The following PRTG variants were observed in gnomAD, a reference collection of about 807,000 sequenced individuals.
The protein encoded by PRTG is protogenin, also known as immunoglobulin superfamily, DCC subclass, member 5.
In PRTG, 67 loss-of-function variants were observed where a neutral mutation model predicts 122.5. The ratio of observed to expected loss-of-function variants is 0.55; its 90% CI spans 0.45 to 0.67. The LOEUF (loss-of-function observed/expected upper bound fraction) is 0.67, where lower values mean the gene tolerates loss of function less well. Ranked by LOEUF, PRTG falls within the 30% of genes least tolerant of loss-of-function variation. The probability of loss-of-function intolerance (pLI) is 0.00; values close to 1 mark genes in which losing one functional copy is unlikely to be tolerated. For synonymous variants in PRTG, 554 were observed against 501.1 expected, an observed-to-expected ratio of 1.11 and a Z score of -1.41; for missense variants, 1,435 against 1,415.4, an observed-to-expected ratio of 1.01 and a Z score of -0.22.
chr15:55,663,502 C>T (rs1045925509), intron 11 of PRTG, among the ~76,000 whole-genome samples: 1 of 151,930 alleles, frequency 6.6e-6, no homozygotes, highest in African/African-American at 2.4e-5. Context: ...CATCTCTAGT[C>T]ATGGCAATCA....
rs2059199019 is a variant in PRTG at position 55,627,062 on chromosome 15, G to C, written c.2873C>G (p.Ala958Gly). ...AACACAGATGAGGATGCAGGTCAAG[G>C]CTATGCCAACACCTACAGCAATGCC... Reference protein sequence around the residue: ...MTGIAVGVGIALTCILICVLI... With the variant: ...MTGIAVGVGIGLTCILICVLI... The change falls in exon 17 of 20, where the codon GCC becomes GGC. Residue 958 changes from alanine (A) to glycine (G), a missense_variant. Transcript: ENST00000389286. 6.2e-7 allele frequency: 1 copy of C among 1,612,432 alleles called. No individual in the cohort carries two copies. Among genetic ancestry groups the C allele is most frequent in the African/African-American group, 1.3e-5 (1 of 74,944 alleles).
intron 2 of PRTG, among the ~76,000 whole-genome samples, chr15:55,713,568 A>C (rs988827450): frequency 6.6e-6 from 1 of 152,226 alleles, no homozygotes; most frequent in Non-Finnish European, 1.5e-5. Flanking sequence ...AATTTCCATC[A>C]GCTTTCTTTG....
At chr15:55,632,495 T>C (rs1295716287) in intron 15 of PRTG, among the ~76,000 whole-genome samples, 2 of 152,150 alleles carry the variant, frequency 1.3e-5, no homozygotes. Flanking sequence ...TCCTCTCTCT[T>C]AGAATAAAAT....
chr15:55,722,986 C>T (rs1454327493), intron 2 of PRTG, among the ~76,000 whole-genome samples: 4 of 152,178 alleles, frequency 2.6e-5, no homozygotes, highest in Non-Finnish European at 5.9e-5. Flanking sequence ...CAACAGGAGG[C>T]TTTCTTTTGG....
intron 11 of PRTG, among the ~76,000 whole-genome samples, chr15:55,642,597 CAA>C (rs10708251): frequency 0.014 from 1,305 of 95,174 alleles, 17 homozygotes; most frequent in African/African-American, 0.044. Flanking sequence ...AACTCCATCT[CAA>C]AAAAAAAAAA....
intron 2 of PRTG, among the ~76,000 whole-genome samples, chr15:55,726,557 G>A (rs1258707431): frequency 6.6e-6 from 1 of 151,762 alleles, no homozygotes; most frequent in Non-Finnish European, 1.5e-5. Context: ...GCTTGAACCC[G>A]GGAGGTGGAG....
At chr15:55,626,021 G>C (rs2059192830) in intron 17 of PRTG, among the ~76,000 whole-genome samples, 1 of 152,122 alleles carries the variant, frequency 6.6e-6, no homozygotes, top group Non-Finnish European at 1.5e-5. Flanking sequence ...CCAAAGGTCT[G>C]GGATTACCAA....
intron 2 of PRTG, among the ~76,000 whole-genome samples, chr15:55,728,944 C>G (rs1212422438): frequency 6.6e-6 from 1 of 152,100 alleles, no homozygotes; most frequent in Admixed American, 6.5e-5. Flanking sequence ...TGTTTATGTA[C>G]ACAACAGCAA....
chr15:55,687,081 G>A (rs2141822790), intron 2 of PRTG, among the ~76,000 whole-genome samples: 1 of 152,286 alleles, frequency 6.6e-6, no homozygotes, highest in South Asian at 2.1e-4. Flanking sequence ...ACAGTAAACG[G>A]TGCAGATTTG....
rs1331472497 is a variant in PRTG at position 55,614,922 on chromosome 15, G to C, written c.*5090C>G. On this transcript the variant is annotated 3_prime_UTR_variant, in exon 20 of 20. Transcript: ENST00000389286. ...ACAGAAGTCCATGCCCAAATCCCTGGAACCAGTGAATATGTTACCAAACAT... is the reference window on the plus strand; with the variant it reads ...ACAGAAGTCCATGCCCAAATCCCTGCAACCAGTGAATATGTTACCAAACAT... The C allele has an allele frequency of 6.6e-6, 1 of 152,078 alleles. No homozygotes were observed. Among genetic ancestry groups the C allele is most frequent in the East Asian group, 1.9e-4 (1 of 5,196 alleles). 9.4% of individuals were successfully genotyped at this position (152,078 alleles called of 1,614,324 possible).
chr15:55,639,555 C>G (rs2059277660), intron 13 of PRTG, 87 bp downstream of exon 13: 9 of 1,196,048 alleles, frequency 7.5e-6, no homozygotes, highest in Non-Finnish European at 9.5e-6. Context: ...GAAGCCCGAG[C>G]TGGGCCCAAG....
intron 2 of PRTG, among the ~76,000 whole-genome samples, chr15:55,714,511 G>A (rs1408710725): frequency 6.6e-6 from 1 of 151,726 alleles, no homozygotes. Context: ...GATTACAAGT[G>A]TGAGCCACCA....
intron 2 of PRTG, among the ~76,000 whole-genome samples, chr15:55,730,062 C>T (rs761194384): frequency 6.6e-6 from 1 of 152,116 alleles, no homozygotes; most frequent in Non-Finnish European, 1.5e-5. Flanking sequence ...ATGAAAGTCG[C>T]TTTTTTAATT....
chr15:55,718,562 T>A (rs932019190), intron 2 of PRTG, among the ~76,000 whole-genome samples: 11 of 151,706 alleles, frequency 7.3e-5, no homozygotes, highest in Non-Finnish European at 1.6e-4. Flanking sequence ...CTTCGCTGAC[T>A]CTTTTCAGAC....
At position 55,676,790 on chromosome 15, in the gene PRTG, C is replaced by T. The variant is rs2059505285; in HGVS notation, c.1381+1007G>A. 2.0e-5 allele frequency among the ~76,000 whole-genome samples: 3 copies of T among 152,168 alleles called. No homozygotes were observed. In the South Asian group the frequency reaches 6.2e-4, roughly 32 times the overall value. ...CCCACCAAAACCAGCATTCCTTTTACCTTCATAAATCACTAAAAAGGGAAT... is the reference window on the plus strand; with the variant it reads ...CCCACCAAAACCAGCATTCCTTTTATCTTCATAAATCACTAAAAAGGGAAT... On this transcript the variant is annotated intron_variant, in intron 8 of 19. Coordinates refer to ENST00000389286, the MANE Select transcript of PRTG (RefSeq NM_173814.6).
intron 2 of PRTG, among the ~76,000 whole-genome samples, chr15:55,690,630 G>A (rs1332805216): frequency 3.3e-5 from 5 of 151,848 alleles, no homozygotes; most frequent in African/African-American, 7.3e-5. Context: ...CTCAACCGGC[G>A]TAATGCAAAT....
chr15:55,679,903 T>C (rs2059527337), intron 6 of PRTG, 151 bp downstream of exon 6: 6 of 630,216 alleles, frequency 9.5e-6, no homozygotes, highest in Non-Finnish European at 1.6e-5. Context: ...TATTTTAACA[T>C]AAATATTTGT....
chr15:55,690,350 A>C (rs1437098819), intron 2 of PRTG, among the ~76,000 whole-genome samples: 1 of 152,226 alleles, frequency 6.6e-6, no homozygotes, highest in Non-Finnish European at 1.5e-5. Flanking sequence ...AATGAGGAAC[A>C]AAACTAACAG....
intron 2 of PRTG, among the ~76,000 whole-genome samples, chr15:55,687,847 C>A (rs2059578823): frequency 1.3e-5 from 2 of 152,218 alleles, no homozygotes; most frequent in South Asian, 4.1e-4. Context: ...TTAGGACTTT[C>A]ATCGGTTACC....
Sources: allele counts gnomAD v4.1 joint callset (sites outside exome capture counted in the v4.1 genomes callset), GRCh38; gene constraint gnomAD v4.1.1; transcripts MANE v1.5; gene names NCBI Gene and HGNC (gene_info 2026-07-23, HGNC 2026-07-21).